The following ESR1 variants were observed in gnomAD, a reference collection of about 807,000 sequenced individuals.
The protein encoded by ESR1 is estrogen receptor.
In ESR1, 12 loss-of-function variants were observed where a neutral mutation model predicts 52.7. The ratio of observed to expected loss-of-function variants is 0.23; its 90% CI spans 0.15 to 0.37. The LOEUF is 0.37. ESR1 is among the 10% of genes least tolerant of loss of function. The pLI is 1.00. For missense variants in ESR1, 584 were observed against 779.7 expected (o/e 0.75, Z 2.99); for synonymous variants, 305 against 316.8 (o/e 0.96, Z 0.39).
upstream of ESR1, among the ~76,000 whole-genome samples, chr6:151,799,614 T>C (rs1006555441): frequency 6.6e-6 from 1 of 152,214 alleles, no homozygotes; most frequent in Non-Finnish European, 1.5e-5. Context: ...TTGTGTGCCC[T>C]TTTTGAATTT....
intron 2 of ESR1, among the ~76,000 whole-genome samples, chr6:151,787,831 C>A (rs1787167090): frequency 6.6e-6 from 1 of 152,118 alleles, no homozygotes; most frequent in Admixed American, 6.5e-5. Context: ...TTTGGATGTG[C>A]TATATTTCTT....
chr6:151,854,539 G>A (rs142810113), intron 2 of ESR1, among the ~76,000 whole-genome samples: 2 of 152,238 alleles, frequency 1.3e-5, no homozygotes, highest in East Asian at 1.9e-4. Context: ...ATAAGCACTC[G>A]TTCTCTCTGT....
chr6:151,979,831 A>G (rs2039821953), intron 4 of ESR1, among the ~76,000 whole-genome samples: 1 of 152,164 alleles, frequency 6.6e-6, no homozygotes, highest in Non-Finnish European at 1.5e-5. Context: ...ACCAAATTGC[A>G]CACAGATTAA....
At chr6:151,905,292 A>G (rs1182418663) in intron 3 of ESR1, among the ~76,000 whole-genome samples, 2 of 152,220 alleles carry the variant, frequency 1.3e-5, no homozygotes, top group African/African-American at 2.4e-5. Context: ...ATGGGCTGAC[A>G]AAAGGAAAGT....
At chr6:151,689,016 A>T (rs896242082), upstream of ESR1, among the ~76,000 whole-genome samples, 6 of 152,228 alleles carry the variant, frequency 3.9e-5, no homozygotes, top group Admixed American at 2.6e-4. Context: ...TACAATATAC[A>T]TTGTACATTT....
chr6:152,031,874 C>T (rs4499943), intron 5 of ESR1, among the ~76,000 whole-genome samples: 66,864 of 151,990 alleles, frequency 0.44, 16,657 homozygotes, highest in African/African-American at 0.67. Flanking sequence ...TGATGAACAT[C>T]GATGCAAAAA....
Position 151,796,608 on chromosome 6 carries a change from G to T in ESR1, c.-70-11235G>T, listed in dbSNP as rs534532616. ...CCATCAGGATTTATTAGTAATTGTG[G>T]TTTTTGCCATTAAAAGTAATTTTAA... On this transcript the variant is annotated intron_variant, in intron 2 of 2. Coordinates refer to the ESR1 transcript ENST00000404742. Among the ~76,000 whole-genome samples the T allele has an allele frequency of 9.9e-5, 15 of 152,236 alleles. No homozygotes were observed. In the East Asian group the frequency reaches 2.9e-3, roughly 29 times the overall value.
At chr6:151,769,556 A>T (rs2128106547) in intron 2 of ESR1, among the ~76,000 whole-genome samples, 1 of 152,292 alleles carries the variant, frequency 6.6e-6, no homozygotes, top group African/African-American at 2.4e-5. Flanking sequence ...TTGGTGATTG[A>T]CTGAATGGAC....
At chr6:151,921,765 T>G (rs4371852) in intron 3 of ESR1, among the ~76,000 whole-genome samples, 92,989 of 151,986 alleles carry the variant, frequency 0.61, 29,140 homozygotes, top group Middle Eastern at 0.75. Flanking sequence ...CATGTCCTCT[T>G]CCAACTTTTT....
At position 151,995,293 on chromosome 6, in the gene ESR1, C is replaced by T. The variant is rs74953875; in HGVS notation, c.1097-16363C>T. Reference sequence around the variant, plus strand: ...TGCCTTTCTTCCTTCTCCTATCCGTCTTTCCATCCATCTGTCCATCAGTCT... The same window carrying T: ...TGCCTTTCTTCCTTCTCCTATCCGTTTTTCCATCCATCTGTCCATCAGTCT... On this transcript the variant is annotated intron_variant, in intron 4 of 7. Coordinates refer to ENST00000206249, the MANE Select transcript of ESR1 (RefSeq NM_000125.4). Among the ~76,000 whole-genome samples, 607 of 152,292 alleles carry T rather than the reference C, an allele frequency of 4.0e-3. 3 individuals are homozygous for T. The highest frequency in any genetic ancestry group is 0.012 in the Admixed American group (185 of 15,296).
intron 2 of ESR1, among the ~76,000 whole-genome samples, chr6:151,848,590 T>C (rs1428480106): frequency 6.6e-6 from 1 of 152,152 alleles, no homozygotes; most frequent in East Asian, 1.9e-4. Context: ...TAGTTGTGTC[T>C]GGTCACCTTC....
At chr6:151,736,098 A>T (rs1782634657) in intron 2 of ESR1, among the ~76,000 whole-genome samples, 2 of 152,200 alleles carry the variant, frequency 1.3e-5, no homozygotes, top group African/African-American at 4.8e-5. Context: ...ATTTCTTTAT[A>T]GCAGTGTGAA....
chr6:152,092,570 GGGA>G (rs765523188), intron 6 of ESR1, among the ~76,000 whole-genome samples: 63 of 152,164 alleles, frequency 4.1e-4, no homozygotes, highest in Non-Finnish European at 1.5e-4. Context: ...AAGGGGAGAG[GGGA>G]GGAGAAGGAA....
chr6:151,822,254 C>A (rs9340788), intron 1 of ESR1, among the ~76,000 whole-genome samples: 6,666 of 152,160 alleles, frequency 0.044, 257 homozygotes, highest in Non-Finnish European at 0.064. Flanking sequence ...CATGTAGAAG[C>A]AAAACAATTT....
At chr6:151,773,921 G>A (rs150593958) in intron 2 of ESR1, among the ~76,000 whole-genome samples, 161 of 152,292 alleles carry the variant, frequency 1.1e-3, no homozygotes, top group Non-Finnish European at 2.0e-3. Context: ...ATGGTGTTCG[G>A]TGGCTTTCAA....
intron 1 of ESR1, among the ~76,000 whole-genome samples, chr6:151,659,562 G>T (rs1738388): frequency 6.6e-6 from 1 of 151,952 alleles, no homozygotes; most frequent in Non-Finnish European, 1.5e-5. Context: ...TTGGCATTCC[G>T]ATTTATCTAT....
chr6:151,880,362 T>C (rs1792668558), intron 2 of ESR1, among the ~76,000 whole-genome samples: 1 of 151,974 alleles, frequency 6.6e-6, no homozygotes, highest in Non-Finnish European at 1.5e-5. Context: ...TTTGTATTTT[T>C]AGTAGAGACG....
intron 2 of ESR1, among the ~76,000 whole-genome samples, chr6:151,709,869 G>A (rs974185990): frequency 6.0e-5 from 9 of 150,992 alleles, no homozygotes; most frequent in South Asian, 2.1e-4. Flanking sequence ...CTTCCTATAC[G>A]TATTCTGAAT....
At chr6:151,781,086 C>T (rs1258881976) in intron 2 of ESR1, among the ~76,000 whole-genome samples, 1 of 152,054 alleles carries the variant, frequency 6.6e-6, no homozygotes. Context: ...AGTGGAAGAA[C>T]CCTTGAAGAT....
Sources: allele counts gnomAD v4.1 joint callset (sites outside exome capture counted in the v4.1 genomes callset), GRCh38; gene constraint gnomAD v4.1.1; transcripts MANE v1.5; gene names NCBI Gene and HGNC (gene_info 2026-07-23, HGNC 2026-07-21).